Variants in IL2RA observed in about 807,000 individuals in gnomAD.
The protein encoded by IL2RA is interleukin 2 receptor subunit alpha, also known as interleukin-2 receptor subunit alpha.
IL2RA carries 24 observed loss-of-function variants against 37.8 expected under a neutral mutation model. That is an observed-to-expected ratio of 0.63 (90% CI 0.46 to 0.89). The LOEUF is 0.89. Among genes scored for constraint, IL2RA ranks in the 40% least tolerant of loss-of-function variants. IL2RA has a pLI of 0.00. For synonymous variants in IL2RA, 125 were observed against 114.6 expected (o/e 1.09, Z -0.58); for missense variants, 319 against 348.6 (o/e 0.92, Z 0.68).
At position 6,058,338 on chromosome 10, in the gene IL2RA, T is replaced by G. The variant is rs1465822729; in HGVS notation, c.64+3750A>C. On this transcript the variant is annotated intron_variant, in intron 1 of 7. Transcript: ENST00000379959. This position sits in a 1 kb window ranked among gnomAD's most constrained non-coding sequence, Gnocchi z 4.2. ...AATTGTGAAGTCAATTTTTTTCTTT[T>G]TCAATTCTCACATCTAAAATGAAGT... is the stretch of plus-strand genomic sequence containing the variant. Among the ~76,000 whole-genome samples, 1 of 152,208 alleles carries G rather than the reference T, an allele frequency of 6.6e-6. No individual in the cohort carries two copies. Among genetic ancestry groups the G allele is most frequent in the African/African-American group, 2.4e-5 (1 of 41,460 alleles).
rs1323216503 is a variant in IL2RA at position 6,033,956 on chromosome 10, G to C, written c.65-7931C>G. On this transcript the variant is annotated intron_variant, in intron 1 of 7. Transcript: ENST00000379959. This position sits in a 1 kb window ranked among gnomAD's most constrained non-coding sequence, Gnocchi z 4.3. ...GCTACTCTTTTGTAATTATTCATTA[G>C]CACAAATAACCAGGATTGACCTCAG... Among the ~76,000 whole-genome samples, 1 of 152,174 alleles carries C rather than the reference G, an allele frequency of 6.6e-6. No homozygotes were observed. The highest frequency in any genetic ancestry group is 1.5e-5 in the Non-Finnish European group (1 of 68,034).
intron 1 of IL2RA, among the ~76,000 whole-genome samples, chr10:6,032,478 G>A (rs4747845): frequency 0.2 from 29,856 of 151,840 alleles, 3,463 homozygotes; most frequent in East Asian, 0.26. Context: ...AGATCACAAG[G>A]TCAGGAGATG....
chr10:6,042,725 AG>A (rs1415262368), intron 1 of IL2RA, among the ~76,000 whole-genome samples: 1 of 152,228 alleles, frequency 6.6e-6, no homozygotes, highest in African/African-American at 2.4e-5. Context: ...GATATGAACA[AG>A]GAGGCCACAG....
Position 6,020,895 on chromosome 10 carries a change from G to A in IL2RA, c.583+583C>T, listed in dbSNP as rs1839373688. On this transcript the variant is annotated intron_variant, in intron 4 of 7. Transcript: ENST00000379959. The surrounding 1 kb of genome is among the most constrained non-coding windows in gnomAD (Gnocchi z 5.6). The stretch of plus-strand genomic sequence containing the variant: ...AGATTTCAGAAGGAAGACAGCAGGA[G>A]ACCTCGACATCGGTGGGCTGAGCAT... 6.6e-6 allele frequency among the ~76,000 whole-genome samples: 1 copy of A among 152,030 alleles called. No individual in the cohort carries two copies. The highest frequency in any genetic ancestry group is 6.6e-5 in the Admixed American group (1 of 15,244).
At position 6,048,280 on chromosome 10, in the gene IL2RA, A is replaced by G. The variant is rs569164184; in HGVS notation, c.64+13808T>C. The stretch of plus-strand genomic sequence containing the variant: ...AAATTGAGGCTGGATTATTAGGTGC[A>G]TGGAGGACAGCAAGGAAGAAATGAG... On this transcript the variant is annotated intron_variant, in intron 1 of 7. Transcript: ENST00000379959. The surrounding 1 kb of genome is among the most constrained non-coding windows in gnomAD (Gnocchi z 5.3). Among the ~76,000 whole-genome samples the G allele has an allele frequency of 1.3e-5, 2 of 152,348 alleles. No homozygotes were observed. The highest frequency in any genetic ancestry group is 4.1e-4 in the South Asian group (2 of 4,824).
At position 6,056,010 on chromosome 10, in the gene IL2RA, T is replaced by C. The variant is rs1005699937; in HGVS notation, c.64+6078A>G. 6.6e-6 allele frequency among the ~76,000 whole-genome samples: 1 copy of C among 152,214 alleles called. No homozygotes were observed. ...CCCAGTGGGAACTGTGTTTTCTTTT[T>C]GACAGAAGCAAACCACGGAGTCGCC... On this transcript the variant is annotated intron_variant, in intron 1 of 7. Transcript: ENST00000379959. The surrounding 1 kb of genome is among the most constrained non-coding windows in gnomAD (Gnocchi z 5.0).
At chr10:6,019,088 T>C (rs1203614671) in intron 6 of IL2RA, among the ~76,000 whole-genome samples, 1 of 145,140 alleles carries the variant, frequency 6.9e-6, no homozygotes, top group Non-Finnish European at 1.5e-5. Flanking sequence ...ACCTATCAAC[T>C]TATCAACCAA....
chr10:6,025,868 C>T lies in IL2RA; in HGVS notation c.222G>A (p.Ser74=), dbSNP rs751234465. 1.4e-5 allele frequency: 23 copies of T among 1,614,104 alleles called. No individual in the cohort carries two copies. Among genetic ancestry groups the T allele is most frequent in the Middle Eastern group, 3.3e-4 (2 of 6,084 alleles). Residue 74 remains serine (S), a synonymous_variant, in exon 2 of 8, where the codon TCG becomes TCA. Transcript: ENST00000379959. The surrounding 1 kb of genome is among the most constrained non-coding windows in gnomAD (Gnocchi z 4.4). ...TGCATTGACATTGGTTGTCCCAGGA[C>T]GAGTGGCTAGAGTTTCCTGTACAGA... ...YMLCTGNSSH[S]SWDNQCQCTS...
At chr10:6,060,616 G>T (rs772986183) in intron 1 of IL2RA, among the ~76,000 whole-genome samples, 1 of 152,074 alleles carries the variant, frequency 6.6e-6, no homozygotes, top group African/African-American at 2.4e-5. Flanking sequence ...TTAGCTGGTC[G>T]TGGTGGTGCA....
rs1839550276 is a variant in IL2RA at position 6,029,945 on chromosome 10, TC to T, written c.65-3921del. Among the ~76,000 whole-genome samples, 1 of 152,212 alleles carries T rather than the reference TC, an allele frequency of 6.6e-6. No individual in the cohort carries two copies. The highest frequency in any genetic ancestry group is 2.4e-5 in the African/African-American group (1 of 41,458). On this transcript the variant is annotated intron_variant, in intron 1 of 7. Coordinates refer to ENST00000379959, the MANE Select transcript of IL2RA (RefSeq NM_000417.3). The surrounding 1 kb of genome is among the most constrained non-coding windows in gnomAD (Gnocchi z 4.6). Reference sequence around the variant, plus strand: ...GTCTCGAATTCCTGACCTCAGATGATCCACCTGCCTTGGCCTCCCAAAGTGC... The same window carrying T: ...GTCTCGAATTCCTGACCTCAGATGATCACCTGCCTTGGCCTCCCAAAGTGC...
intron 1 of IL2RA, among the ~76,000 whole-genome samples, chr10:6,052,260 G>C (rs1839975618): frequency 6.6e-6 from 1 of 152,150 alleles, no homozygotes; most frequent in African/African-American, 2.4e-5. Flanking sequence ...ATGTGAATGA[G>C]GCAGTCCCTG....
rs1839519543 is a variant in IL2RA, at chr10:6,028,541, C to T, written c.65-2516G>A. ...AGAGGATGCGCTAGTCATTTAACTG[C>T]CTGGCAGAGCAAAATGCATTACCTT... On this transcript the variant is annotated intron_variant, in intron 1 of 7. Coordinates refer to ENST00000379959, the MANE Select transcript of IL2RA (RefSeq NM_000417.3). This position sits in a 1 kb window ranked among gnomAD's most constrained non-coding sequence, Gnocchi z 4.1. 6.6e-6 allele frequency among the ~76,000 whole-genome samples: 1 copy of T among 152,132 alleles called. No individual in the cohort carries two copies. The highest frequency in any genetic ancestry group is 2.4e-5 in the African/African-American group (1 of 41,434).
Position 6,057,032 on chromosome 10 carries a change from C to T in IL2RA, c.64+5056G>A, listed in dbSNP as rs1840056376. The stretch of plus-strand genomic sequence containing the variant: ...CTCAGGGCTCCCTTTCCATGTCACC[C>T]TCATGAAGCTTTCTCTGATAGCCCC... On this transcript the variant is annotated intron_variant, in intron 1 of 7. Coordinates refer to ENST00000379959, the MANE Select transcript of IL2RA (RefSeq NM_000417.3). This position sits in a 1 kb window ranked among gnomAD's most constrained non-coding sequence, Gnocchi z 4.8. 6.6e-6 allele frequency among the ~76,000 whole-genome samples: 1 copy of T among 152,198 alleles called. No individual in the cohort carries two copies. Among genetic ancestry groups the T allele is most frequent in the African/African-American group, 2.4e-5 (1 of 41,442 alleles).
chr10:6,039,260 A>G (rs1468977425), intron 1 of IL2RA: 1 of 152,268 alleles, frequency 6.6e-6, no homozygotes, highest in Non-Finnish European at 1.5e-5. Context: ...CTATATGTGT[A>G]TGCACTCAAA....
intron 1 of IL2RA, among the ~76,000 whole-genome samples, chr10:6,045,102 G>T (rs187104741): frequency 6.6e-6 from 1 of 152,300 alleles, no homozygotes; most frequent in Non-Finnish European, 1.5e-5. Context: ...GGAGACCTTG[G>T]CTTCAAGGAG....
chr10:6,025,710 T>G lies in IL2RA; in HGVS notation c.256+124A>C. ...AATGACTTTTCAGGAACCACTAAAA[T>G]TAGTTATCCTGTAGACTGGACTGGC... On this transcript the variant is annotated intron_variant, in intron 2 of 7. Transcript: ENST00000379959. This position sits in a 1 kb window ranked among gnomAD's most constrained non-coding sequence, Gnocchi z 4.4. 8.8e-6 allele frequency: 8 copies of G among 908,130 alleles called. No homozygotes were observed. Among genetic ancestry groups the G allele is most frequent in the Non-Finnish European group, 1.4e-5 (8 of 566,916 alleles). 56.3% of individuals were successfully genotyped at this position (908,130 alleles called of 1,614,324 possible).
intron 1 of IL2RA, among the ~76,000 whole-genome samples, chr10:6,051,762 G>C (rs1176477272): frequency 7.6e-6 from 1 of 130,964 alleles, no homozygotes; most frequent in African/African-American, 2.8e-5. Context: ...CAGGTGATCT[G>C]CCCGCCTCAG....
Position 6,021,629 on chromosome 10 carries a change from C to T in IL2RA, c.432G>A (p.Val144=), listed in dbSNP as rs1839389033. 1 of 1,614,102 alleles carries T rather than the reference C, an allele frequency of 6.2e-7. No individual in the cohort carries two copies. Among genetic ancestry groups the T allele is most frequent in the Middle Eastern group, 1.6e-4 (1 of 6,062 alleles). ...EATERIYHFV[V]GQMVYYQCVQ... Reference sequence around the variant, plus strand: ...CGCACTGATAATAAACCATCTGCCCCACCACGAAATGATAAATTCTCTCTG... The same window carrying T: ...CGCACTGATAATAAACCATCTGCCCTACCACGAAATGATAAATTCTCTCTG... The change falls in exon 4 of 8, where the codon GTG becomes GTA. Residue 144 remains valine (V), a synonymous_variant. Coordinates refer to ENST00000379959, the MANE Select transcript of IL2RA (RefSeq NM_000417.3). The surrounding 1 kb of genome is among the most constrained non-coding windows in gnomAD (Gnocchi z 4.9).
chr10:6,017,510 G>T (rs1022264901), intron 7 of IL2RA, among the ~76,000 whole-genome samples: 1 of 151,880 alleles, frequency 6.6e-6, no homozygotes, highest in Non-Finnish European at 1.5e-5. Context: ...ATCAAGCCTG[G>T]TGTATAGTGG....
Sources: gnomAD v4.1 joint callset for allele counts (sites outside exome capture counted in the v4.1 genomes callset) on GRCh38, gnomAD v4.1.1 for gene constraint, Gnocchi (gnomAD v3.1) non-coding constraint, MANE v1.5 for transcripts, NCBI Gene and HGNC (gene_info 2026-07-23, HGNC 2026-07-21) for gene names.